SLC2A13: variants seen among roughly 807,000 people sequenced by gnomAD.
SLC2A13 encodes the protein solute carrier family 2 member 13.
Under a neutral mutation model 64.4 loss-of-function variants are expected in SLC2A13, and 32 were observed. The ratio of observed to expected loss-of-function variants is 0.50; its 90% CI spans 0.37 to 0.67. SLC2A13 has a LOEUF of 0.67. Among genes scored for constraint, SLC2A13 ranks in the 30% least tolerant of loss-of-function variants. SLC2A13 has a pLI of 0.00. For missense variants in SLC2A13, 743 were observed against 829.2 expected (o/e 0.90, Z 1.28); for synonymous variants, 338 against 327.1 (o/e 1.03, Z -0.36).
intron 3 of SLC2A13, among the ~76,000 whole-genome samples, chr12:39,989,384 C>A (rs767910980): frequency 1.5e-4 from 23 of 152,186 alleles, no homozygotes; most frequent in Non-Finnish European, 3.1e-4. Context: ...TCACCATTAT[C>A]TGTTAACATT....
At chr12:39,817,653 G>GT (rs1229872553) in intron 7 of SLC2A13, among the ~76,000 whole-genome samples, 2 of 152,126 alleles carry the variant, frequency 1.3e-5, no homozygotes, top group African/African-American at 2.4e-5. Context: ...ATCATAAAAT[G>GT]TAACTACTAT....
At chr12:40,088,625 T>C (rs1250235053) in intron 1 of SLC2A13, among the ~76,000 whole-genome samples, 1 of 152,140 alleles carries the variant, frequency 6.6e-6, no homozygotes, top group Non-Finnish European at 1.5e-5. Context: ...AGTATGTATA[T>C]TGCATGTTAC....
intron 2 of SLC2A13, 50 bp from the exon 3 acceptor site, chr12:40,028,559 A>G (rs547667476): frequency 1.8e-5 from 28 of 1,573,580 alleles, no homozygotes; most frequent in Non-Finnish European, 2.4e-5. Flanking sequence ...TCTTACCATC[A>G]TGTGCTCACC....
chr12:39,792,887 A>G lies in SLC2A13; in HGVS notation c.1446-28029T>C, dbSNP rs142049554. ...GTCAACTGTATTGCAAATTTCTATCAATGTGGGGCTTCTCTTTCTACTTTC... is the reference window on the plus strand; with the variant it reads ...GTCAACTGTATTGCAAATTTCTATCGATGTGGGGCTTCTCTTTCTACTTTC... On this transcript the variant is annotated intron_variant, in intron 7 of 9. Coordinates refer to ENST00000280871, the MANE Select transcript of SLC2A13 (RefSeq NM_052885.4). 2.8e-3 allele frequency among the ~76,000 whole-genome samples: 422 copies of G among 151,868 alleles called. 1 individual carries two copies. The highest frequency in any genetic ancestry group is 9.9e-3 in the African/African-American group (410 of 41,448).
chr12:40,018,013 G>C (rs1407130150), intron 3 of SLC2A13, among the ~76,000 whole-genome samples: 1 of 147,606 alleles, frequency 6.8e-6, no homozygotes, highest in Non-Finnish European at 1.5e-5. Flanking sequence ...AAAAAAGAAA[G>C]GAAAGAACGT....
At chr12:39,981,268 G>C (rs1367385230) in intron 3 of SLC2A13, among the ~76,000 whole-genome samples, 1 of 150,788 alleles carries the variant, frequency 6.6e-6, no homozygotes. Flanking sequence ...AAAAGAACTA[G>C]AAAAGCAAGA....
At chr12:39,901,820 G>T (rs550158688) in intron 4 of SLC2A13, among the ~76,000 whole-genome samples, 4 of 144,978 alleles carry the variant, frequency 2.8e-5, no homozygotes, top group Non-Finnish European at 4.5e-5. Flanking sequence ...AATACCATTT[G>T]ACCCAGCCAT....
chr12:40,010,851 A>G (rs931838497), intron 3 of SLC2A13, among the ~76,000 whole-genome samples: 2 of 152,196 alleles, frequency 1.3e-5, no homozygotes, highest in African/African-American at 4.8e-5. Context: ...AGACCGCATC[A>G]CAAGTGCCAG....
intron 4 of SLC2A13, among the ~76,000 whole-genome samples, chr12:39,922,572 G>A (rs1354731499): frequency 1.3e-5 from 2 of 152,152 alleles, no homozygotes; most frequent in Non-Finnish European, 2.9e-5. Flanking sequence ...GAGAAACAAA[G>A]TCCTGATGAC....
At chr12:39,770,869 T>C (rs1720000143) in intron 7 of SLC2A13, among the ~76,000 whole-genome samples, 1 of 152,152 alleles carries the variant, frequency 6.6e-6, no homozygotes, top group Admixed American at 6.6e-5. Context: ...CTAGGAGCTT[T>C]GGTATTGACA....
intron 1 of SLC2A13, among the ~76,000 whole-genome samples, chr12:40,069,790 T>A (rs191802556): frequency 1.3e-5 from 2 of 152,282 alleles, no homozygotes; most frequent in Non-Finnish European, 1.5e-5. Context: ...AAGGCATCAG[T>A]TCCACATTAC....
intron 4 of SLC2A13, among the ~76,000 whole-genome samples, chr12:39,888,548 G>C (rs1283340446): frequency 6.6e-6 from 1 of 152,154 alleles, no homozygotes. Flanking sequence ...TACTTAACAT[G>C]CAACTTAGCA....
rs937304857 is a variant in SLC2A13, at chr12:39,799,065, G to T, written c.1445+31038C>A. Among the ~76,000 whole-genome samples, 152 of 129,204 alleles carry T rather than the reference G, an allele frequency of 1.2e-3. 1 individual carries two copies. Among genetic ancestry groups the T allele is most frequent in the African/African-American group, 3.8e-3 (134 of 35,072 alleles). 84.8% of individuals were successfully genotyped at this position (129,204 alleles called of 152,430 possible). A position where few individuals can be genotyped will look rare whatever the true frequency, so the allele number is the denominator to read the frequency against. ...AGCCACCTGAAGAATTACTGTTCTG[G>T]TTTTTTTTTTTTTTCCTTTTTTTTT... On this transcript the variant is annotated intron_variant, in intron 7 of 9. Transcript: ENST00000280871.
At chr12:39,830,597 C>A in intron 6 of SLC2A13, 1 of 445,794 alleles carries the variant, frequency 2.2e-6, no homozygotes, top group Non-Finnish European at 3.0e-6. Context: ...TGACTGGTTC[C>A]AAGTTGCATC....
intron 4 of SLC2A13, among the ~76,000 whole-genome samples, chr12:39,935,178 C>A (rs776589707): frequency 1.3e-5 from 2 of 152,054 alleles, no homozygotes; most frequent in Non-Finnish European, 2.9e-5. Flanking sequence ...TAGCTTGAGC[C>A]CAGGAGTTTA....
At chr12:39,776,231 A>G (rs1447449894) in intron 7 of SLC2A13, among the ~76,000 whole-genome samples, 2 of 150,154 alleles carry the variant, frequency 1.3e-5, no homozygotes, top group African/African-American at 4.9e-5. Flanking sequence ...CTTCATATTG[A>G]CCAAAGGCCT....
intron 1 of SLC2A13, among the ~76,000 whole-genome samples, chr12:40,086,756 G>A (rs887294951): frequency 2.0e-5 from 3 of 152,340 alleles, no homozygotes; most frequent in African/African-American, 4.8e-5. Context: ...GATAGGTAGT[G>A]CGATTATGTG....
chr12:39,847,957 T>C (rs1006018928), intron 6 of SLC2A13, among the ~76,000 whole-genome samples: 4 of 152,278 alleles, frequency 2.6e-5, no homozygotes, highest in Admixed American at 2.6e-4. Flanking sequence ...AGAGGCTATA[T>C]CTCATGCTTT....
intron 3 of SLC2A13, among the ~76,000 whole-genome samples, chr12:39,977,815 C>T (rs185065127): frequency 3.1e-4 from 47 of 152,330 alleles, no homozygotes; most frequent in Admixed American, 3.1e-3. Flanking sequence ...GAAGAGATTC[C>T]TATAAATTAA....
Sources: allele counts gnomAD v4.1 joint callset (sites outside exome capture counted in the v4.1 genomes callset), GRCh38; gene constraint gnomAD v4.1.1; transcripts MANE v1.5; gene names NCBI Gene and HGNC (gene_info 2026-07-23, HGNC 2026-07-21).